The following RASGRP2 variants were observed in gnomAD, a reference collection of about 807,000 sequenced individuals.
RASGRP2 encodes the protein RAS guanyl-releasing protein 2.
In RASGRP2, 44 loss-of-function variants were observed where a neutral mutation model predicts 71.0. The observed-to-expected ratio is 0.62, with a 90% CI of 0.49 to 0.80. RASGRP2 has a LOEUF of 0.80. Among genes scored for constraint, RASGRP2 ranks in the 30% least tolerant of loss-of-function variants. The probability of loss-of-function intolerance (pLI) is 0.00; values close to 1 mark genes in which losing one functional copy is unlikely to be tolerated. For synonymous variants in RASGRP2, 350 were observed against 330.7 expected (o/e 1.06, Z -0.63); for missense variants, 663 against 813.4 (o/e 0.82, Z 2.25).
intron 12 of RASGRP2, among the ~76,000 whole-genome samples, chr11:64,734,520 G>A (rs910603719): frequency 1.1e-4 from 16 of 151,926 alleles, no homozygotes; most frequent in Middle Eastern, 3.4e-3. Flanking sequence ...TTATTTTACC[G>A]TGGATTTTTG....
At chr11:64,741,266 A>C (rs920367069) in intron 4 of RASGRP2, among the ~76,000 whole-genome samples, 173 bp downstream of exon 4, 10 of 152,228 alleles carry the variant, frequency 6.6e-5, no homozygotes, top group Non-Finnish European at 1.3e-4. Context: ...GCAGAAAAGA[A>C]AATTAAGGCC....
Position 64,730,209 on chromosome 11 carries a change from G to C in RASGRP2, c.1413-15C>G. 2 of 1,551,460 alleles carry C rather than the reference G, an allele frequency of 1.3e-6. No individual in the cohort carries two copies. Among genetic ancestry groups the C allele is most frequent in the Admixed American group, 2.0e-5 (1 of 51,006 alleles). ...TGCAGCCATCCCTGTGGGGAGTTGCGGGGGCGCTTCAGCTCGGGCCCTCCC... is the reference window on the plus strand; with the variant it reads ...TGCAGCCATCCCTGTGGGGAGTTGCCGGGGCGCTTCAGCTCGGGCCCTCCC... On this transcript the variant is annotated splice_polypyrimidine_tract_variant and intron_variant, in intron 12 of 16. Transcript: ENST00000394432.
At chr11:64,734,002 C>T (rs2057850684) in intron 12 of RASGRP2, among the ~76,000 whole-genome samples, 1 of 151,686 alleles carries the variant, frequency 6.6e-6, no homozygotes, top group African/African-American at 2.4e-5. Context: ...CAGGCACGTG[C>T]CACCCATGCC....
chr11:64,739,268 A>G lies in RASGRP2; in HGVS notation c.813+92T>C. 2.0e-6 allele frequency: 2 copies of G among 984,092 alleles called. No homozygotes were observed. Among genetic ancestry groups the G allele is most frequent in the Non-Finnish European group, 3.3e-6 (2 of 613,452 alleles). The allele number at this position is 984,092 out of a possible 1,614,324, so 61.0% of individuals were successfully genotyped here. On this transcript the variant is annotated intron_variant, in intron 8 of 16. Coordinates refer to ENST00000394432, the MANE Select transcript of RASGRP2 (RefSeq NM_001098671.2). This position sits in a 1 kb window ranked among gnomAD's most constrained non-coding sequence, Gnocchi z 4.2. ...GAGCCTCCATTTCCATATCTATCAA[A>G]TGAGGACAGCTGTGCCCAGCCCCCA...
chr11:64,741,665 G>A, intron 3 of RASGRP2, 164 bp from the exon 4 acceptor site: 4 of 730,064 alleles, frequency 5.5e-6, no homozygotes, highest in Admixed American at 2.0e-5. Context: ...GGTTGGAGGT[G>A]GGGGTGGAGG....
rs768323185 is a variant in RASGRP2, at chr11:64,727,282, G to A, written c.*6+14C>T. The A allele has an allele frequency of 4.3e-6, 7 of 1,612,488 alleles. No homozygotes were observed. Among genetic ancestry groups the A allele is most frequent in the Non-Finnish European group, 5.9e-6 (7 of 1,178,624 alleles). On this transcript the variant is annotated intron_variant, in intron 16 of 16. Coordinates refer to ENST00000394432, the MANE Select transcript of RASGRP2 (RefSeq NM_001098671.2). Reference sequence around the variant, plus strand: ...TCAGTGGGGAGCTCTGGTGCCAGCTGTGGGAGGACTCACCATCTATTACAA... The same window carrying A: ...TCAGTGGGGAGCTCTGGTGCCAGCTATGGGAGGACTCACCATCTATTACAA...
chr11:64,742,526 G>T lies in RASGRP2; in HGVS notation c.73+268C>A. 1.7e-6 allele frequency: 1 copy of T among 590,654 alleles called. No homozygotes were observed. Among genetic ancestry groups the T allele is most frequent in the South Asian group, 2.0e-5 (1 of 50,288 alleles). 36.6% of individuals were successfully genotyped at this position (590,654 alleles called of 1,614,324 possible). On this transcript the variant is annotated intron_variant, in intron 2 of 16. Coordinates refer to ENST00000394432, the MANE Select transcript of RASGRP2 (RefSeq NM_001098671.2). The surrounding 1 kb of genome is among the most constrained non-coding windows in gnomAD (Gnocchi z 4.7). ...GTTCCTCCGGATTCCCCGGGAGACA[G>T]ATAATGCCCCTCAAGTGTCAGAGTC...
intron 12 of RASGRP2, among the ~76,000 whole-genome samples, chr11:64,730,966 CCTCGCTTGAGA>C (rs1439487469): frequency 6.6e-6 from 1 of 152,174 alleles, no homozygotes; most frequent in Admixed American, 6.5e-5. Context: ...CGGGACTGGC[CCTCGCTTGAGA>C]CTCCCACCTG....
Position 64,727,052 on chromosome 11 carries a change from C to G in RASGRP2, c.*86G>C. 4.4e-6 allele frequency: 2 copies of G among 456,068 alleles called. 1 individual carries two copies. The highest frequency in any genetic ancestry group is 8.2e-6 in the Non-Finnish European group (2 of 242,474). The allele number at this position is 456,068 out of a possible 1,614,324, so 28.3% of individuals were successfully genotyped here. On this transcript the variant is annotated 3_prime_UTR_variant, in exon 17 of 17. Coordinates refer to ENST00000394432, the MANE Select transcript of RASGRP2 (RefSeq NM_001098671.2). The stretch of plus-strand genomic sequence containing the variant: ...ATATCCCACCCCCATCCCCAGCCTC[C>G]TGCCCCGACACCCCCAGGCTCCCTG...
chr11:64,743,143 C>A lies in RASGRP2; in HGVS notation c.-71-206G>T. ...GACCCGCAGAGAGGCTTCCGGCCCACCCTCGGAGTCGCGGGAAGGCCGAGG... is the reference window on the plus strand; with the variant it reads ...GACCCGCAGAGAGGCTTCCGGCCCAACCTCGGAGTCGCGGGAAGGCCGAGG... On this transcript the variant is annotated intron_variant, in intron 1 of 16. Coordinates refer to ENST00000394432, the MANE Select transcript of RASGRP2 (RefSeq NM_001098671.2). This position sits in a 1 kb window ranked among gnomAD's most constrained non-coding sequence, Gnocchi z 4.9. The A allele has an allele frequency of 3.1e-6, 2 of 653,146 alleles. No individual in the cohort carries two copies. The highest frequency in any genetic ancestry group is 5.6e-6 in the Non-Finnish European group (2 of 356,840). 40.5% of individuals were successfully genotyped at this position (653,146 alleles called of 1,614,324 possible). A position where few individuals can be genotyped will look rare whatever the true frequency, so the allele number is the denominator to read the frequency against.
intron 5 of RASGRP2, chr11:64,740,661 A>G (rs1212359677): frequency 1.5e-6 from 1 of 649,768 alleles, no homozygotes; most frequent in African/African-American, 1.8e-5. Context: ...GGGGGATGAT[A>G]TGAGCAGAGC....
At chr11:64,729,344 G>GC (rs1555121578) in intron 14 of RASGRP2, among the ~76,000 whole-genome samples, 1 of 146,446 alleles carries the variant, frequency 6.8e-6, no homozygotes, top group Non-Finnish European at 1.5e-5. Flanking sequence ...TTTTTTTGTT[G>GC]TTTTTTTTTT....
At position 64,727,036 on chromosome 11, in the gene RASGRP2, C is replaced by T; in HGVS notation, c.*102G>A. On this transcript the variant is annotated 3_prime_UTR_variant, in exon 17 of 17. Transcript: ENST00000394432. ...GCTGCATGCCACCCTCATATCCCACCCCCATCCCCAGCCTCCTGCCCCGAC... is the reference window on the plus strand; with the variant it reads ...GCTGCATGCCACCCTCATATCCCACTCCCATCCCCAGCCTCCTGCCCCGAC... The T allele has an allele frequency of 2.3e-6, 1 of 429,314 alleles. No homozygotes were observed. The highest frequency in any genetic ancestry group is 3.4e-5 in the Admixed American group (1 of 29,460). 26.6% of individuals were successfully genotyped at this position (429,314 alleles called of 1,614,324 possible). A position where few individuals can be genotyped will look rare whatever the true frequency, so the allele number is the denominator to read the frequency against.
At position 64,740,752 on chromosome 11, in the gene RASGRP2, G is replaced by C. The variant is rs1037533181; in HGVS notation, c.371+196C>G. ...CTACAGGAGGAGGTGTGTGGGATGG[G>C]TGGTGGCAGTGGAAGATGAGGCAGG... is the stretch of plus-strand genomic sequence containing the variant. On this transcript the variant is annotated intron_variant, in intron 5 of 16. Coordinates refer to ENST00000394432, the MANE Select transcript of RASGRP2 (RefSeq NM_001098671.2). The C allele has an allele frequency of 2.6e-5, 19 of 729,914 alleles. No individual in the cohort carries two copies. In the Admixed American group the frequency reaches 3.6e-4, roughly 14 times the overall value. 45.2% of individuals were successfully genotyped at this position (729,914 alleles called of 1,614,324 possible).
At chr11:64,737,066 C>A (rs2057965936) in intron 8 of RASGRP2, 32 bp from the exon 9 acceptor site, 1 of 1,612,072 alleles carries the variant, frequency 6.2e-7, no homozygotes, top group Non-Finnish European at 8.5e-7. Flanking sequence ...GTCATACCCC[C>A]ACAACTATCC....
chr11:64,742,034 TGA>T lies in RASGRP2; in HGVS notation c.150_151del (p.Gln51AlafsTer40). 6.2e-7 allele frequency: 1 copy of T among 1,611,562 alleles called. No individual in the cohort carries two copies. The highest frequency in any genetic ancestry group is 8.5e-7 in the Non-Finnish European group (1 of 1,178,842). Reference sequence around the variant, plus strand: ...TATGTGGAGCAGCTTGGCCGCCAGCTGAGAGGAGGGGATGTACCAGGGGTGCA... The same window carrying T: ...TATGTGGAGCAGCTTGGCCGCCAGCTGAGGAGGGGATGTACCAGGGGTGCA... On this transcript the variant is annotated frameshift_variant, in exon 3 of 17. Transcript: ENST00000394432. LOFTEE classifies it high-confidence loss of function. The surrounding 1 kb of genome is among the most constrained non-coding windows in gnomAD (Gnocchi z 4.7).
Position 64,736,837 on chromosome 11 carries a change from G to C in RASGRP2, c.1011C>G (p.Leu337=), listed in dbSNP as rs1160384978. ...TGGCCAGCTCCTCCAGGATGCTAAA[G>C]AGCTGCTTCATCTTGGCCCCGTTGA... ...TRLNGAKMKQ[L]FSILEELAMV... is the part of the protein sequence containing the mutation. The change falls in exon 9 of 17, where the codon CTC becomes CTG. Residue 337 remains leucine (L), a synonymous_variant. Coordinates refer to ENST00000394432, the MANE Select transcript of RASGRP2 (RefSeq NM_001098671.2). 6.2e-7 allele frequency: 1 copy of C among 1,613,088 alleles called. No individual in the cohort carries two copies. Among genetic ancestry groups the C allele is most frequent in the Non-Finnish European group, 8.5e-7 (1 of 1,179,984 alleles).
At position 64,735,651 on chromosome 11, in the gene RASGRP2, G is replaced by A. The variant is rs768737956; in HGVS notation, c.1187C>T (p.Thr396Met). Residue 396 changes from threonine (T) to methionine (M), a missense_variant, in exon 11 of 17, where the codon ACG becomes ATG. By Grantham distance (81) the Thr-to-Met change is moderately conservative (BLOSUM62 -1). Coordinates refer to ENST00000394432, the MANE Select transcript of RASGRP2 (RefSeq NM_001098671.2). The surrounding 1 kb of genome is among the most constrained non-coding windows in gnomAD (Gnocchi z 4.2). ...GGGCCGGGGTGGTGGGGTGCAACTC[G>A]TGGGGCTGGTTGGCTATGGAAATGG... ...PRSKSSPTSP[T>M]SCTPPPRPPV... 11 of 1,612,290 alleles carry A rather than the reference G, an allele frequency of 6.8e-6. No homozygotes were observed. Among genetic ancestry groups the A allele is most frequent in the South Asian group, 4.4e-5 (4 of 90,832 alleles).
chr11:64,729,906 G>A (rs577515570), intron 13 of RASGRP2, 108 bp from the exon 14 acceptor site: 22 of 1,567,986 alleles, frequency 1.4e-5, no homozygotes, highest in African/African-American at 8.1e-5. Flanking sequence ...TCAGGGCCCC[G>A]GGCAGAACCA....
Sources: allele counts gnomAD v4.1 joint callset (sites outside exome capture counted in the v4.1 genomes callset), GRCh38; gene constraint gnomAD v4.1.1; non-coding constraint Gnocchi (gnomAD v3.1); transcripts MANE v1.5; gene names NCBI Gene and HGNC (gene_info 2026-07-23, HGNC 2026-07-21).